Variants in NSD3 observed in about 807,000 individuals in gnomAD.
NSD3 encodes the protein histone-lysine N-methyltransferase NSD3.
NSD3 carries 24 observed loss-of-function variants against 160.8 expected under a neutral mutation model. The ratio of observed to expected loss-of-function variants is 0.15; its 90% CI spans 0.11 to 0.21. The LOEUF is 0.21. Ranked by LOEUF, NSD3 falls within the 10% of genes least tolerant of loss-of-function variation. The pLI, the probability that NSD3 is intolerant of heterozygous loss-of-function variation, is 1.00. For synonymous variants in NSD3, 520 were observed against 600.0 expected (o/e 0.87, Z 1.95); for missense variants, 1,157 against 1,735.9 (o/e 0.67, Z 5.93).
chr8:38,337,238 A>G, intron 4 of NSD3, 67 bp downstream of exon 4: 3 of 1,377,576 alleles, frequency 2.2e-6, no homozygotes, highest in South Asian at 1.7e-5. Flanking sequence ...TTATATTCAC[A>G]TACAACATTT....
At chr8:38,340,774 T>C (rs973428781) in intron 2 of NSD3, among the ~76,000 whole-genome samples, 4 of 152,220 alleles carry the variant, frequency 2.6e-5, no homozygotes, top group South Asian at 2.1e-4. Context: ...CTATATATAA[T>C]AGTGAAACAA....
At chr8:38,377,900 C>G in intron 1 of NSD3, among the ~76,000 whole-genome samples, 1 of 151,986 alleles carries the variant, frequency 6.6e-6, no homozygotes, top group East Asian at 1.9e-4. Flanking sequence ...CCACTGCACT[C>G]CAGCCTGGGC....
intron 19 of NSD3, among the ~76,000 whole-genome samples, chr8:38,282,691 C>CA (rs1017372581): frequency 1.3e-4 from 19 of 151,522 alleles, no homozygotes. Context: ...ACCAAAAAAA[C>CA]AAAAAAAGGA....
At position 38,306,770 on chromosome 8, in the gene NSD3, T is replaced by C. The variant is rs190376944; in HGVS notation, c.2243-1325A>G. On this transcript the variant is annotated intron_variant, in intron 12 of 23. Coordinates refer to ENST00000317025, the MANE Select transcript of NSD3 (RefSeq NM_023034.2). ...AAATAGGCAAAAGAAAATTAAAATGTGTTCATCTTCACTAGTAATCAGGTA... is the reference window on the plus strand; with the variant it reads ...AAATAGGCAAAAGAAAATTAAAATGCGTTCATCTTCACTAGTAATCAGGTA... 1.1e-4 allele frequency among the ~76,000 whole-genome samples: 17 copies of C among 152,250 alleles called. No individual in the cohort carries two copies. In the East Asian group the frequency reaches 2.9e-3, roughly 26 times the overall value.
chr8:38,380,044 A>G (rs1811497340), intron 1 of NSD3, among the ~76,000 whole-genome samples: 1 of 152,230 alleles, frequency 6.6e-6, no homozygotes, highest in African/African-American at 2.4e-5. Flanking sequence ...CAAAACAACA[A>G]CAAAAAAACC....
At chr8:38,300,597 C>T (rs190380366) in intron 14 of NSD3, among the ~76,000 whole-genome samples, 271 of 152,298 alleles carry the variant, frequency 1.8e-3, no homozygotes, top group African/African-American at 6.3e-3. Context: ...TCTTTTTGAT[C>T]TACCAATTAC....
rs536379530 is a variant in NSD3, at chr8:38,361,132, T to G, written c.-44-12917A>C. Among the ~76,000 whole-genome samples, 4 of 152,238 alleles carry G rather than the reference T, an allele frequency of 2.6e-5. No individual in the cohort carries two copies. The South Asian group carries it at 8.3e-4, about 32-fold the overall frequency. On this transcript the variant is annotated intron_variant, in intron 1 of 23. Transcript: ENST00000317025. ...CCTCCGCCTCCCGAGTAGCTGGGAT[T>G]ACAGGCACGCGCCACCAAGCCCAGC...
At chr8:38,373,177 C>A (rs1476915343) in intron 1 of NSD3, among the ~76,000 whole-genome samples, 3 of 152,056 alleles carry the variant, frequency 2.0e-5, no homozygotes, top group African/African-American at 7.2e-5. Context: ...GTCTCTGCAG[C>A]TTTTCTTAAA....
At chr8:38,345,717 CCTGA>C (rs1810503730) in intron 2 of NSD3, among the ~76,000 whole-genome samples, 2 of 151,864 alleles carry the variant, frequency 1.3e-5, no homozygotes, top group South Asian at 2.1e-4. Context: ...TTGAGACCAG[CCTGA>C]CTAACATGAC....
At chr8:38,278,837 C>G (rs1475403154) in intron 21 of NSD3, among the ~76,000 whole-genome samples, 2 of 152,162 alleles carry the variant, frequency 1.3e-5, no homozygotes, top group East Asian at 3.9e-4. Context: ...AAATAAAGAT[C>G]CAAAATGAAG....
chr8:38,331,782 T>C (rs1810066661), intron 4 of NSD3, among the ~76,000 whole-genome samples, 197 bp from the exon 5 acceptor site: 2 of 152,294 alleles, frequency 1.3e-5, no homozygotes, highest in Middle Eastern at 3.4e-3. Flanking sequence ...AATAATTGAT[T>C]GCACCACTGC....
chr8:38,305,583 T>A, intron 12 of NSD3, 138 bp from the exon 13 acceptor site: 2 of 709,630 alleles, frequency 2.8e-6, no homozygotes, highest in East Asian at 3.0e-5. Context: ...CAAAAAAAAT[T>A]TAAAATAAAT....
intron 1 of NSD3, among the ~76,000 whole-genome samples, chr8:38,379,294 CTTT>C (rs570499053): frequency 2.2e-5 from 3 of 137,552 alleles, no homozygotes; most frequent in Admixed American, 7.3e-5. Context: ...TAAACTTTTT[CTTT>C]TTTTTTTTTT....
chr8:38,347,790 G>T lies in NSD3; in HGVS notation c.382C>A (p.Pro128Thr). The stretch of plus-strand genomic sequence containing the variant: ...GGAGGTGGTGGCTGTGGAGGGGAAG[G>T]TTTTTCCAGAATTTCATGTGGTCTT... ...NTRPHEILEK[P>T]SPPQPPPPPS... The change falls in exon 2 of 24, where the codon CCT becomes ACT. Residue 128 changes from proline (P) to threonine (T), a missense_variant. Pro to Thr is a conservative substitution (Grantham distance 38). This residue lies in a region of NSD3 where 121 missense variants were observed against 177.2 expected (regional missense o/e 0.68). Coordinates refer to ENST00000317025, the MANE Select transcript of NSD3 (RefSeq NM_023034.2). 1 of 1,613,826 alleles carries T rather than the reference G, an allele frequency of 6.2e-7. No individual in the cohort carries two copies. The highest frequency in any genetic ancestry group is 1.3e-5 in the African/African-American group (1 of 75,030).
rs776850800 is a variant in NSD3, at chr8:38,289,459, T to C, written c.3165A>G (p.Arg1055=). ...AKRFQELKAQ[R]ESKEALEIEK... is the part of the protein sequence containing the mutation. ...CAATCTCTAGGGCTTCTTTACTTTC[T>C]CTTTGTGCTTTCAATTCCTGGAAAC... Residue 1055 remains arginine (R), a synonymous_variant, in exon 18 of 24, where the codon AGA becomes AGG. Coordinates refer to ENST00000317025, the MANE Select transcript of NSD3 (RefSeq NM_023034.2). The C allele has an allele frequency of 2.4e-5, 39 of 1,614,030 alleles. No individual in the cohort carries two copies. Among genetic ancestry groups the C allele is most frequent in the East Asian group, 6.7e-5 (3 of 44,870 alleles).
At chr8:38,313,246 G>A (rs1344397715) in intron 12 of NSD3, among the ~76,000 whole-genome samples, 1 of 152,052 alleles carries the variant, frequency 6.6e-6, no homozygotes, top group East Asian at 1.9e-4. Context: ...TGTGTATTGG[G>A]ATATATGACA....
At chr8:38,326,977 T>C (rs750741354) in intron 6 of NSD3, 121 bp from the exon 7 acceptor site, 2 of 1,088,562 alleles carry the variant, frequency 1.8e-6, no homozygotes, top group Non-Finnish European at 2.6e-6. Flanking sequence ...TGGTCTTTGA[T>C]TGCAATTAAG....
intron 15 of NSD3, among the ~76,000 whole-genome samples, chr8:38,296,832 C>T (rs922612107): frequency 8.6e-5 from 13 of 151,968 alleles, no homozygotes; most frequent in African/African-American, 2.7e-4. Flanking sequence ...CTGCCTCAGC[C>T]GCCCAAACTG....
intron 7 of NSD3, among the ~76,000 whole-genome samples, chr8:38,325,963 C>A (rs1809900548): frequency 1.3e-5 from 2 of 151,940 alleles, no homozygotes; most frequent in South Asian, 4.2e-4. Context: ...GCCTGGCCAA[C>A]ATGGTGAAAC....
Sources: gnomAD v4.1 joint callset for allele counts (sites outside exome capture counted in the v4.1 genomes callset) on GRCh38, gnomAD v4.1.1 for gene constraint, gnomAD v4.1.1 regional missense constraint, MANE v1.5 for transcripts, NCBI Gene and HGNC (gene_info 2026-07-23, HGNC 2026-07-21) for gene names.